HLA-F: variants seen among roughly 807,000 people sequenced by gnomAD.
HLA-F encodes HLA class I histocompatibility antigen, alpha chain F.
A neutral mutation model predicts 49.5 loss-of-function variants in HLA-F; 46 were observed. The ratio of observed to expected loss-of-function variants is 0.93; its 90% CI spans 0.73 to 1.19. The LOEUF (loss-of-function observed/expected upper bound fraction) is 1.19, where lower values mean the gene tolerates loss of function less well. HLA-F is among the 50% of genes most tolerant of loss of function. The pLI is 0.00. For missense variants in HLA-F, 496 were observed against 579.6 expected (o/e 0.86, Z 1.48); for synonymous variants, 203 against 233.5 (o/e 0.87, Z 1.19).
downstream of HLA-F, chr6:29,729,102 C>T (rs1018811868): frequency 1.3e-5 from 2 of 152,126 alleles, no homozygotes; most frequent in African/African-American, 4.8e-5. Context: ...ATGCAATAAA[C>T]ATAAGCCATT....
intron 3 of HLA-F, chr6:29,735,618 T>C (rs1777018595): frequency 6.6e-6 from 1 of 152,002 alleles, no homozygotes; most frequent in Non-Finnish European, 1.5e-5. Flanking sequence ...GACAGGTTGA[T>C]TATAATGTTC....
Position 29,725,564 on chromosome 6 carries a change from G to T in HLA-F, c.1003+1G>T. Reference sequence around the variant, plus strand: ...GTGATGTGGAGGAAGAAGAGCTCAGGTAGGAAGGGGTGAGGAGTGGAGTCT... The same window carrying T: ...GTGATGTGGAGGAAGAAGAGCTCAGTTAGGAAGGGGTGAGGAGTGGAGTCT... On this transcript the variant is annotated splice_donor_variant, in intron 5 of 6. Transcript: ENST00000259951. LOFTEE classifies it high-confidence loss of function. 6.2e-7 allele frequency: 1 copy of T among 1,612,682 alleles called. No homozygotes were observed. Among genetic ancestry groups the T allele is most frequent in the African/African-American group, 1.3e-5 (1 of 75,034 alleles).
chr6:29,736,768 C>T (rs9258208), intron 3 of HLA-F: 27,855 of 169,646 alleles, frequency 0.16, 2,688 homozygotes, highest in South Asian at 0.3. Context: ...CTATCACTCC[C>T]GTGGCAGTCA....
At chr6:29,728,900 A>C (rs753832214), downstream of HLA-F, 2 of 152,130 alleles carry the variant, frequency 1.3e-5, no homozygotes, top group Non-Finnish European at 2.9e-5. Flanking sequence ...TCTAGGTAAA[A>C]AGGTAGAATT....
chr6:29,736,700 G>A (rs1222781007), intron 3 of HLA-F: 5 of 263,934 alleles, frequency 1.9e-5, no homozygotes, highest in Non-Finnish European at 3.7e-5. Context: ...TGATAGATTA[G>A]TTCTGTCAGT....
Position 29,727,135 on chromosome 6 carries a change from A to G in HLA-F, c.1289A>G (p.His430Arg). 1 of 1,605,312 alleles carries G rather than the reference A, an allele frequency of 6.2e-7. No individual in the cohort carries two copies. The highest frequency in any genetic ancestry group is 1.3e-5 in the African/African-American group (1 of 74,174). ...RGRSFLLRSW[H>R]HLMKRVQIKI... ...AGGAGCTTCCTTCTTCGTTCTTGGCACCATCTTATGAAAAGGGTCCAGATT... is the reference window on the plus strand; with the variant it reads ...AGGAGCTTCCTTCTTCGTTCTTGGCGCCATCTTATGAAAAGGGTCCAGATT... Residue 430 changes from histidine (H) to arginine (R), a missense_variant, in exon 7 of 7, where the codon CAC becomes CGC. Coordinates refer to ENST00000259951, the MANE Select transcript of HLA-F (RefSeq NM_001098479.2).
chr6:29,723,688 C>A lies in HLA-F; in HGVS notation c.95C>A (p.Ala32Asp), dbSNP rs756994939. Reference sequence around the variant, plus strand: ...CACTCCTTGAGGTATTTCAGCACCGCTGTGTCGCGGCCCGGCCGCGGGGAG... The same window carrying A: ...CACTCCTTGAGGTATTTCAGCACCGATGTGTCGCGGCCCGGCCGCGGGGAG... Reference protein sequence around the residue: ...GSHSLRYFSTAVSRPGRGEPR... With the variant: ...GSHSLRYFSTDVSRPGRGEPR... Residue 32 changes from alanine to aspartate, a missense_variant, in exon 2 of 7, where the codon GCT becomes GAT. Ala to Asp is a moderately radical substitution (Grantham distance 126). Transcript: ENST00000259951. The A allele has an allele frequency of 2.5e-5, 40 of 1,611,206 alleles. No homozygotes were observed. In the East Asian group the frequency reaches 8.0e-4, roughly 32 times the overall value.
At chr6:29,730,816 G>A (rs889840937), downstream of HLA-F, among the ~76,000 whole-genome samples, 3 of 151,810 alleles carry the variant, frequency 2.0e-5, no homozygotes, top group Non-Finnish European at 4.4e-5. Context: ...GTCTCTCACC[G>A]TTTCCTACAA....
chr6:29,726,810 T>C, intron 6 of HLA-F, 73 bp from the exon 7 acceptor site: 1 of 1,519,912 alleles, frequency 6.6e-7, no homozygotes, highest in East Asian at 2.2e-5. Flanking sequence ...CACAGCCTGT[T>C]TGATCTGGTG....
downstream of HLA-F, chr6:29,728,364 C>G (rs1417626013): frequency 3.2e-6 from 1 of 316,034 alleles, no homozygotes; most frequent in Non-Finnish European, 6.3e-6. Flanking sequence ...CAGGAACCCA[C>G]CTTCCCATGA....
downstream of HLA-F, among the ~76,000 whole-genome samples, chr6:29,730,652 TAAAC>T: frequency 1.3e-5 from 2 of 152,204 alleles, no homozygotes; most frequent in Admixed American, 1.3e-4. Context: ...TCAAGAACTG[TAAAC>T]CAGAAGGGCT....
downstream of HLA-F, chr6:29,729,092 A>T (rs1455178397): frequency 6.6e-6 from 1 of 152,178 alleles, no homozygotes; most frequent in Non-Finnish European, 1.5e-5. Context: ...TGGCCCCCTT[A>T]TGCAATAAAC....
chr6:29,736,118 C>T, intron 3 of HLA-F: 1 of 246,484 alleles, frequency 4.1e-6, no homozygotes, highest in Non-Finnish European at 8.1e-6. Context: ...CTCTCTCTTC[C>T]ATCCCCCAGT....
intron 3 of HLA-F, among the ~76,000 whole-genome samples, chr6:29,734,163 T>C (rs1331092993): frequency 6.6e-6 from 1 of 152,150 alleles, no homozygotes; most frequent in African/African-American, 2.4e-5. Flanking sequence ...TGGGCCAAGG[T>C]AATAATCCAG....
Position 29,723,474 on chromosome 6 carries a change from G to A in HLA-F, c.11G>A (p.Arg4Gln), listed in dbSNP as rs1775585349. ...GCGGAGGTTGGGGTCATGGCGCCCC[G>A]AAGCCTCCTCCTGCTGCTCTCAGGG... is the stretch of plus-strand genomic sequence containing the variant. MAP[R>Q]SLLLLLSGAL... The change falls in exon 1 of 7, where the codon CGA becomes CAA. Residue 4 changes from arginine to glutamine, a missense_variant. Arg to Gln is a conservative substitution (Grantham distance 43, BLOSUM62 1). Coordinates refer to ENST00000259951, the MANE Select transcript of HLA-F (RefSeq NM_001098479.2). 1.2e-6 allele frequency: 2 copies of A among 1,613,606 alleles called. No individual in the cohort carries two copies. Among genetic ancestry groups the A allele is most frequent in the South Asian group, 1.1e-5 (1 of 91,074 alleles).
chr6:29,726,267 T>TC lies in HLA-F; in HGVS notation c.1036+224_1036+225insC, dbSNP rs1554227592. 15 of 1,010,184 alleles carry TC rather than the reference T, an allele frequency of 1.5e-5. No homozygotes were observed. The Admixed American group carries it at 1.9e-4, about 13-fold the overall frequency. 62.6% of individuals were successfully genotyped at this position (1,010,184 alleles called of 1,614,324 possible). On this transcript the variant is annotated intron_variant, in intron 6 of 6. Transcript: ENST00000259951. ...AGGGGCCCTGATGTGAGTGGGGTGT[T>TC]GGGGGGGAACAGAGGGGACTCAGCT...
exon 5 of HLA-F, chr6:29,738,510 T>C (rs1777306842): frequency 6.6e-6 from 1 of 152,192 alleles, no homozygotes; most frequent in African/African-American, 2.4e-5. Flanking sequence ...TCATAAATAA[T>C]AAAATAACCC....
At chr6:29,736,600 T>C (rs1777119196) in intron 3 of HLA-F, 1 of 340,814 alleles carries the variant, frequency 2.9e-6, no homozygotes, top group South Asian at 2.3e-5. Flanking sequence ...AGGAATAGCA[T>C]TTCCAGCCTC....
intron 4 of HLA-F, 59 bp from the exon 5 acceptor site, chr6:29,725,388 A>G: frequency 6.2e-7 from 1 of 1,610,142 alleles, no homozygotes; most frequent in South Asian, 1.1e-5. Context: ...GGAGCTCTTC[A>G]GCAGGGTCAG....
Sources: gnomAD v4.1 joint callset for allele counts (sites outside exome capture counted in the v4.1 genomes callset) on GRCh38, gnomAD v4.1.1 for gene constraint, MANE v1.5 for transcripts, NCBI Gene and HGNC (gene_info 2026-07-23, HGNC 2026-07-21) for gene names.